Variants in AFDN observed in about 807,000 individuals in gnomAD.
AFDN encodes the protein afadin, adherens junction formation factor.
A neutral mutation model predicts 216.6 loss-of-function variants in AFDN; 68 were observed. The ratio of observed to expected loss-of-function variants is 0.31; its 90% CI spans 0.26 to 0.38. The LOEUF (loss-of-function observed/expected upper bound fraction) is 0.38, where lower values mean the gene tolerates loss of function less well. Among genes scored for constraint, AFDN ranks in the 10% least tolerant of loss-of-function variants. The pLI, the probability that AFDN is intolerant of heterozygous loss-of-function variation, is 1.00. For synonymous variants in AFDN, 868 were observed against 853.7 expected (o/e 1.02, Z -0.29); for missense variants, 2,136 against 2,342.0 (o/e 0.91, Z 1.82).
chr6:167,841,700 GATC>G (rs779780479), intron 1 of AFDN, among the ~76,000 whole-genome samples: 1 of 151,862 alleles, frequency 6.6e-6, no homozygotes, highest in Non-Finnish European at 1.5e-5. Flanking sequence ...CCTATTCTTT[GATC>G]ATCTGTGATG....
intron 2 of AFDN, 76 bp downstream of exon 2, chr6:167,864,822 G>T: frequency 7.1e-7 from 1 of 1,417,558 alleles, no homozygotes; most frequent in Non-Finnish European, 1.0e-6. Context: ...GGTCATTGTG[G>T]TCATGTCAGG....
chr6:167,877,310 G>A (rs1785499089), intron 5 of AFDN, among the ~76,000 whole-genome samples: 1 of 152,162 alleles, frequency 6.6e-6, no homozygotes, highest in African/African-American at 2.4e-5. Flanking sequence ...TAGGATATGG[G>A]ATATATTTTA....
intron 6 of AFDN, among the ~76,000 whole-genome samples, chr6:167,887,012 C>CAAAAAAAAAAAAAAAAAAAAAAAAAAAAA (rs67970460): frequency 1.1e-5 from 1 of 90,506 alleles, no homozygotes; most frequent in Non-Finnish European, 2.3e-5. Flanking sequence ...GAGACTGTAT[C>CAAAAAAAAAAAAAAAAAAAAAAAAAAAAA]AAAAAAAAAA....
chr6:167,970,096 A>T lies in AFDN; in HGVS notation c.*161A>T. 1.6e-6 allele frequency: 1 copy of T among 616,706 alleles called. No individual in the cohort carries two copies. The highest frequency in any genetic ancestry group is 2.6e-6 in the Non-Finnish European group (1 of 380,588). 38.2% of individuals were successfully genotyped at this position (616,706 alleles called of 1,614,324 possible). ...GGGATTTAGAAATGTTTCAATTCCA[A>T]GAAATTTTATTTTACTTTACCATGA... is the stretch of plus-strand genomic sequence containing the variant. On this transcript the variant is annotated 3_prime_UTR_variant, in exon 34 of 34. Transcript: ENST00000683244.
Position 167,889,386 on chromosome 6 carries a change from A to G in AFDN, c.1009+60A>G. 3 of 1,129,582 alleles carry G rather than the reference A, an allele frequency of 2.7e-6. No homozygotes were observed. The Admixed American group carries it at 5.3e-5, about 20-fold the overall frequency. The allele number at this position is 1,129,582 out of a possible 1,614,324, so 70.0% of individuals were successfully genotyped here. ...TTCCTATGTGATATACCAGGTGTTCACCTTATCACATGATGTAGGAGATGT... is the reference window on the plus strand; with the variant it reads ...TTCCTATGTGATATACCAGGTGTTCGCCTTATCACATGATGTAGGAGATGT... On this transcript the variant is annotated intron_variant, in intron 7 of 33. Coordinates refer to ENST00000683244, the MANE Select transcript of AFDN (RefSeq NM_001386888.1).
In AFDN at chr6:167,907,192, GACAGAGTGTCGTCTGCCTCTAGC is replaced by G; in HGVS notation, c.1677_1699del (p.Arg559SerfsTer32). On this transcript the variant is annotated frameshift_variant, in exon 13 of 34. Transcript: ENST00000683244. LOFTEE classifies it high-confidence loss of function. ...GTAGAGCACCACTAGGCTGGACAGC[GACAGAGTGTCGTCTGCCTCTAGC>G]ACAGCCGAGCGGGGAATGGTGAAGC... The G allele has an allele frequency of 6.2e-7, 1 of 1,614,132 alleles. No individual in the cohort carries two copies. The highest frequency in any genetic ancestry group is 1.1e-5 in the South Asian group (1 of 91,068).
chr6:167,888,351 A>G (rs191337243), intron 6 of AFDN, among the ~76,000 whole-genome samples: 3 of 152,224 alleles, frequency 2.0e-5, no homozygotes, highest in African/African-American at 7.2e-5. Context: ...GGTGAGGTCT[A>G]TTAAGATAAC....
In AFDN at chr6:167,969,962, T is replaced by G. The variant is rs765111803; in HGVS notation, c.*27T>G. 1.9e-6 allele frequency: 3 copies of G among 1,581,320 alleles called. No individual in the cohort carries two copies. Among genetic ancestry groups the G allele is most frequent in the Non-Finnish European group, 1.7e-6 (2 of 1,168,400 alleles). ...AGAAAATGAGGAGAACACTTTGTAT[T>G]TACCCCAAAATCTTTTCAGTTGTGG... On this transcript the variant is annotated 3_prime_UTR_variant, in exon 34 of 34. Coordinates refer to ENST00000683244, the MANE Select transcript of AFDN (RefSeq NM_001386888.1).
chr6:167,961,002 A>G (rs1308817396), intron 30 of AFDN, among the ~76,000 whole-genome samples: 3 of 152,170 alleles, frequency 2.0e-5, no homozygotes, highest in Non-Finnish European at 4.4e-5. Context: ...AGGTTAATTT[A>G]TTCTTTCTCA....
chr6:167,961,938 G>A (rs1797077274), intron 30 of AFDN, among the ~76,000 whole-genome samples: 1 of 152,174 alleles, frequency 6.6e-6, no homozygotes, highest in Non-Finnish European at 1.5e-5. Context: ...CCGGCCCACT[G>A]GAGTCACATA....
At chr6:167,877,997 T>G (rs528521026) in intron 5 of AFDN, among the ~76,000 whole-genome samples, 2 of 152,196 alleles carry the variant, frequency 1.3e-5, no homozygotes, top group Non-Finnish European at 2.9e-5. Context: ...CAAAATGTAA[T>G]TGACCCCAAA....
intron 15 of AFDN, among the ~76,000 whole-genome samples, chr6:167,913,083 G>T (rs1441679316): frequency 6.6e-6 from 1 of 152,144 alleles, no homozygotes; most frequent in Non-Finnish European, 1.5e-5. Context: ...TCGTTCACAA[G>T]TCCTTCCATT....
At chr6:167,917,816 C>T (rs1467647260) in intron 20 of AFDN, among the ~76,000 whole-genome samples, 2 of 152,122 alleles carry the variant, frequency 1.3e-5, no homozygotes, top group Non-Finnish European at 2.9e-5. Context: ...CTGGAAATCA[C>T]CAAATCAAAA....
intron 4 of AFDN, among the ~76,000 whole-genome samples, chr6:167,873,056 A>G (rs1415137320): frequency 6.6e-6 from 1 of 152,194 alleles, no homozygotes; most frequent in African/African-American, 2.4e-5. Context: ...GCATTTGGTT[A>G]TCATATGCCT....
At chr6:167,936,487 C>T (rs1183042707) in intron 23 of AFDN, among the ~76,000 whole-genome samples, 1 of 152,122 alleles carries the variant, frequency 6.6e-6, no homozygotes, top group Non-Finnish European at 1.5e-5. Context: ...TAATAGACTA[C>T]ATAGATTGTC....
intron 23 of AFDN, among the ~76,000 whole-genome samples, chr6:167,929,439 G>A (rs1226629216): frequency 2.0e-5 from 3 of 152,138 alleles, no homozygotes. Flanking sequence ...GCTAGATTGG[G>A]GATGTGTCTG....
Position 167,951,641 on chromosome 6 carries a change from G to C in AFDN, c.4287G>C (p.Glu1429Asp). Residue 1429 changes from glutamate to aspartate, a missense_variant, in exon 30 of 34, where the codon GAG becomes GAC. Glu to Asp is a conservative substitution (Grantham distance 45). Coordinates refer to ENST00000683244, the MANE Select transcript of AFDN (RefSeq NM_001386888.1). The surrounding 1 kb of genome is among the most constrained non-coding windows in gnomAD (Gnocchi z 7.1). ...AACATCAGCGTTGGTATGAGAAGGA[G>C]AAGGCCCGCCTGGAGGAGGAGCGGG... The part of the protein sequence containing the change: ...REEHQRWYEK[E>D]KARLEEERER... 6.2e-7 allele frequency: 1 copy of C among 1,614,120 alleles called. No homozygotes were observed. The highest frequency in any genetic ancestry group is 8.5e-7 in the Non-Finnish European group (1 of 1,180,004).
intron 30 of AFDN, chr6:167,954,384 A>G (rs1309306685): frequency 1.6e-6 from 2 of 1,261,592 alleles, no homozygotes; most frequent in African/African-American, 3.0e-5. Flanking sequence ...CCGATGGCAG[A>G]TTACAGGTCT....
chr6:167,886,485 G>T (rs28385637), intron 6 of AFDN, among the ~76,000 whole-genome samples: 1 of 151,896 alleles, frequency 6.6e-6, no homozygotes, highest in African/African-American at 2.4e-5. Flanking sequence ...GAGCTGGAGG[G>T]TGTTGTGGTG....
Sources: allele counts gnomAD v4.1 joint callset (sites outside exome capture counted in the v4.1 genomes callset), GRCh38; gene constraint gnomAD v4.1.1; non-coding constraint Gnocchi (gnomAD v3.1); transcripts MANE v1.5; gene names NCBI Gene and HGNC (gene_info 2026-07-23, HGNC 2026-07-21).